Variants in MGST1 observed in about 807,000 individuals in gnomAD.
MGST1 encodes the protein glutathione S-transferase 12.
A neutral mutation model predicts 8.9 loss-of-function variants in MGST1; 5 were observed. The observed-to-expected ratio is 0.56, with a 90% CI of 0.29 to 1.19. MGST1 has a LOEUF of 1.19. MGST1 is among the 50% of genes most tolerant of loss of function. The pLI, the probability that MGST1 is intolerant of heterozygous loss-of-function variation, is 0.08. For synonymous variants in MGST1, 54 were observed against 67.8 expected (o/e 0.80, Z 1.00); for missense variants, 182 against 187.4 (o/e 0.97, Z 0.17).
At chr12:16,495,280 A>G (rs970538966) in intron 4 of MGST1, among the ~76,000 whole-genome samples, 1 of 152,122 alleles carries the variant, frequency 6.6e-6, no homozygotes, top group Non-Finnish European at 1.5e-5. Context: ...CCTCAAGGAC[A>G]CAAAGATGGC....
At chr12:16,590,614 A>T (rs186127074), downstream of MGST1, among the ~76,000 whole-genome samples, 628 of 151,808 alleles carry the variant, frequency 4.1e-3, 3 homozygotes, top group South Asian at 0.017. Context: ...AAAAAAAAAA[A>T]TCGGTATCAT....
At chr12:16,402,273 G>A in intron 1 of MGST1, 1 of 1,589,824 alleles carries the variant, frequency 6.3e-7, no homozygotes, top group East Asian at 2.2e-5. Flanking sequence ...CTGTAAGGCA[G>A]TTGATTTGGA....
rs1942338938 is a variant in MGST1, at chr12:16,560,079, C to A, written n.483-29449C>A. On this transcript the variant is annotated intron_variant and non_coding_transcript_variant, in intron 4 of 4. Transcript: ENST00000538857. This position sits in a 1 kb window ranked among gnomAD's most constrained non-coding sequence, Gnocchi z 5.0. ...GCTTCATTGCCAATTTATTTACTCA[C>A]ATAAGTAGTATAAAAAAGTAGATAT... is the stretch of plus-strand genomic sequence containing the variant. Among the ~76,000 whole-genome samples the A allele has an allele frequency of 6.6e-6, 1 of 152,036 alleles. No individual in the cohort carries two copies. Among genetic ancestry groups the A allele is most frequent in the African/African-American group, 2.4e-5 (1 of 41,412 alleles).
intron 1 of MGST1, chr12:16,400,057 G>T: frequency 6.3e-7 from 1 of 1,580,870 alleles, no homozygotes; most frequent in East Asian, 2.2e-5. Context: ...TTCCTCCTTA[G>T]TTAGAGCCTC....
rs1942988242 is a variant in MGST1, at chr12:16,576,093, C to T, written n.483-13435C>T. ...TACTTCTAGCGCGCATCGCTTCTCCCTTGCACTCATACTACAACCTCCCAG... is the reference window on the plus strand; with the variant it reads ...TACTTCTAGCGCGCATCGCTTCTCCTTTGCACTCATACTACAACCTCCCAG... On this transcript the variant is annotated intron_variant and non_coding_transcript_variant, in intron 4 of 4. Coordinates refer to the MGST1 transcript ENST00000538857. The surrounding 1 kb of genome is among the most constrained non-coding windows in gnomAD (Gnocchi z 4.1). 6.6e-6 allele frequency among the ~76,000 whole-genome samples: 1 copy of T among 152,174 alleles called. No individual in the cohort carries two copies. The highest frequency in any genetic ancestry group is 6.5e-5 in the Admixed American group (1 of 15,288).
chr12:16,378,628 G>A (rs1342501887), downstream of MGST1, among the ~76,000 whole-genome samples: 3 of 149,672 alleles, frequency 2.0e-5, no homozygotes, highest in South Asian at 4.3e-4. Flanking sequence ...TTGGCGATGC[G>A]GGCTCTTTTT....
chr12:16,578,678 T>G (rs1258293007), intron 4 of MGST1, among the ~76,000 whole-genome samples: 1 of 151,796 alleles, frequency 6.6e-6, no homozygotes. Flanking sequence ...ATTAGCCAGG[T>G]GTGGTGGTGC....
At chr12:16,514,646 T>C (rs998898579) in intron 4 of MGST1, among the ~76,000 whole-genome samples, 1 of 149,858 alleles carries the variant, frequency 6.7e-6, no homozygotes, top group Non-Finnish European at 1.5e-5. Flanking sequence ...ACCTTGTCCA[T>C]ACCATTCACC....
chr12:16,400,648 C>T lies in MGST1; in HGVS notation n.778+17044C>T, dbSNP rs546627672. On this transcript the variant is annotated intron_variant and non_coding_transcript_variant, in intron 1 of 1. Transcript: ENST00000359720. ...GGTATGTAATTTCTTTGACAAAAGT[C>T]GCTTCAGGGTTAGGAAAGATGTTGC... is the stretch of plus-strand genomic sequence containing the variant. The T allele has an allele frequency of 6.0e-6, 9 of 1,492,244 alleles. No homozygotes were observed. In the African/African-American group the frequency reaches 8.3e-5, roughly 14 times the overall value. 92.4% of individuals were successfully genotyped at this position (1,492,244 alleles called of 1,614,324 possible). A position where few individuals can be genotyped will look rare whatever the true frequency, so the allele number is the denominator to read the frequency against.
intron 1 of MGST1, among the ~76,000 whole-genome samples, chr12:16,419,711 A>G (rs1322479726): frequency 2.6e-5 from 4 of 152,148 alleles, no homozygotes; most frequent in African/African-American, 7.2e-5. Context: ...AAACATGACA[A>G]TTTTATCTAA....
intron 2 of MGST1, among the ~76,000 whole-genome samples, chr12:16,355,093 CT>C (rs1939651981): frequency 6.6e-6 from 1 of 151,954 alleles, no homozygotes. Flanking sequence ...CATTCAGCAA[CT>C]TCTTCCTGGA....
downstream of MGST1, among the ~76,000 whole-genome samples, chr12:16,380,529 C>G (rs996345278): frequency 3.3e-5 from 5 of 152,042 alleles, no homozygotes; most frequent in African/African-American, 1.2e-4. Context: ...AATTTCTGTT[C>G]TTTTACATTT....
intron 3 of MGST1, among the ~76,000 whole-genome samples, chr12:16,374,111 C>T (rs1202660670): frequency 6.6e-6 from 1 of 152,092 alleles, no homozygotes; most frequent in Non-Finnish European, 1.5e-5. Flanking sequence ...TCACTCACTT[C>T]TCAGAAACGG....
chr12:16,428,934 T>C (rs1182687614), intron 1 of MGST1, among the ~76,000 whole-genome samples: 4 of 152,114 alleles, frequency 2.6e-5, no homozygotes, highest in Non-Finnish European at 5.9e-5. Context: ...CATCTTTTTT[T>C]GTGCCTTTGT....
chr12:16,551,592 G>A (rs1325540655), intron 4 of MGST1, among the ~76,000 whole-genome samples: 1 of 144,694 alleles, frequency 6.9e-6, no homozygotes, highest in African/African-American at 2.6e-5. Context: ...AAGATGACTT[G>A]CTTTTTTTTT....
At chr12:16,521,604 A>C (rs1178749514) in intron 4 of MGST1, among the ~76,000 whole-genome samples, 1 of 152,108 alleles carries the variant, frequency 6.6e-6, no homozygotes, top group African/African-American at 2.4e-5. Flanking sequence ...ATCTTAGGCA[A>C]AGTTTTCAAA....
chr12:16,551,175 TA>T, intron 4 of MGST1: 1 of 1,204,488 alleles, frequency 8.3e-7, no homozygotes, highest in Non-Finnish European at 1.2e-6. Flanking sequence ...GCAAAAAAGA[TA>T]AAAGAATGTA....
chr12:16,400,512 C>T, intron 1 of MGST1: 2 of 828,696 alleles, frequency 2.4e-6, no homozygotes, highest in Non-Finnish European at 4.3e-6. Flanking sequence ...CCTTCTCTTT[C>T]TCTTCAGCTT....
intron 4 of MGST1, among the ~76,000 whole-genome samples, chr12:16,515,048 A>G (rs1443582132): frequency 1.3e-5 from 2 of 152,192 alleles, no homozygotes; most frequent in Non-Finnish European, 2.9e-5. Context: ...AATAGCACAC[A>G]TTAGAGGCTT....
Sources: gnomAD v4.1 joint callset for allele counts (sites outside exome capture counted in the v4.1 genomes callset) on GRCh38, gnomAD v4.1.1 for gene constraint, Gnocchi (gnomAD v3.1) non-coding constraint, MANE v1.5 for transcripts, NCBI Gene and HGNC (gene_info 2026-07-23, HGNC 2026-07-21) for gene names.